Variants in RASAL2 observed in about 807,000 individuals in gnomAD.
The protein encoded by RASAL2 is RAS protein activator like 2, also known as ras GTPase-activating protein nGAP.
A neutral mutation model predicts 128.9 loss-of-function variants in RASAL2; 58 were observed. That is an observed-to-expected ratio of 0.45 (90% CI 0.36 to 0.56). RASAL2 has a LOEUF of 0.56. RASAL2 is among the 20% of genes least tolerant of loss of function. The pLI is 0.00. For missense variants in RASAL2, 1,360 were observed against 1,601.6 expected, an observed-to-expected ratio of 0.85 and a Z score of 2.57; for synonymous variants, 561 against 580.8, an observed-to-expected ratio of 0.97 and a Z score of 0.49.
intron 1 of RASAL2, among the ~76,000 whole-genome samples, chr1:178,228,570 C>T (rs534882372): frequency 1.3e-5 from 2 of 152,174 alleles, no homozygotes; most frequent in East Asian, 1.9e-4. Context: ...AGCGAGACTC[C>T]GTCCCGGGGA....
intron 5 of RASAL2, among the ~76,000 whole-genome samples, chr1:178,428,886 C>T (rs956072957): frequency 6.6e-6 from 1 of 152,118 alleles, no homozygotes; most frequent in Non-Finnish European, 1.5e-5. Context: ...CTGCTCTTCC[C>T]CTGTAGCCTA....
At chr1:178,343,802 A>T (rs2102412027) in intron 3 of RASAL2, among the ~76,000 whole-genome samples, 1 of 151,994 alleles carries the variant, frequency 6.6e-6, no homozygotes, top group East Asian at 1.9e-4. Context: ...TTAGAAAAAA[A>T]AAACAATAAA....
In RASAL2 at chr1:178,363,607, T is replaced by C. The variant is rs16852727; in HGVS notation, c.458-26493T>C. Among the ~76,000 whole-genome samples, 941 of 152,326 alleles carry C rather than the reference T, an allele frequency of 6.2e-3. 6 individuals carry two copies. The highest frequency in any genetic ancestry group is 0.022 in the African/African-American group (900 of 41,590). On this transcript the variant is annotated intron_variant, in intron 3 of 17. Coordinates refer to ENST00000367649, the MANE Select transcript of RASAL2 (RefSeq NM_170692.4). ...CGAAGCATTAAACAGCCTCATTAAA[T>C]GTTCATAGGAGCAAATAACCATGTC... is the stretch of plus-strand genomic sequence containing the variant.
chr1:178,276,780 G>C (rs1422207333), intron 1 of RASAL2, among the ~76,000 whole-genome samples: 1 of 151,982 alleles, frequency 6.6e-6, no homozygotes, highest in African/African-American at 2.4e-5. Flanking sequence ...CCATGTGTAT[G>C]CCATATTTTT....
chr1:178,117,005 A>G (rs7547357), intron 1 of RASAL2, among the ~76,000 whole-genome samples: 16,665 of 152,272 alleles, frequency 0.11, 1,170 homozygotes, highest in African/African-American at 0.19. Context: ...ATAACTACTT[A>G]AAACATTCAT....
Position 178,257,419 on chromosome 1 carries a change from G to A in RASAL2, c.203-26145G>A, listed in dbSNP as rs1255805908. Reference sequence around the variant, plus strand: ...TCAAGACAGTGTGGTGCTGGCTCAGGGATATGTGTGTGTGTGTGTGTGTGT... The same window carrying A: ...TCAAGACAGTGTGGTGCTGGCTCAGAGATATGTGTGTGTGTGTGTGTGTGT... On this transcript the variant is annotated intron_variant, in intron 1 of 17. Transcript: ENST00000367649. Among the ~76,000 whole-genome samples, 5 of 145,000 alleles carry A rather than the reference G, an allele frequency of 3.4e-5. No individual in the cohort carries two copies. The South Asian group carries it at 1.1e-3, about 31-fold the overall frequency.
intron 1 of RASAL2, among the ~76,000 whole-genome samples, chr1:178,162,010 G>T (rs1192040165): frequency 1.3e-5 from 2 of 150,368 alleles, no homozygotes; most frequent in African/African-American, 2.4e-5. Context: ...TGTCTGCCAG[G>T]CTGGAGTGCA....
Position 178,473,252 on chromosome 1 carries a change from G to C in RASAL2, c.*13G>C. On this transcript the variant is annotated 3_prime_UTR_variant, in exon 18 of 18. Transcript: ENST00000367649. ...CAGCAGCTGCTGACGGGCTTTGTCTGTGGAAGGAGACAGAAGGAAATTGAC... is the reference window on the plus strand; with the variant it reads ...CAGCAGCTGCTGACGGGCTTTGTCTCTGGAAGGAGACAGAAGGAAATTGAC... 6.2e-7 allele frequency: 1 copy of C among 1,614,050 alleles called. No homozygotes were observed. The highest frequency in any genetic ancestry group is 8.5e-7 in the Non-Finnish European group (1 of 1,179,924).
At chr1:178,395,789 A>ATATATATT (rs1553226783) in intron 4 of RASAL2, among the ~76,000 whole-genome samples, 1 of 144,320 alleles carries the variant, frequency 6.9e-6, no homozygotes, top group Non-Finnish European at 1.5e-5. Flanking sequence ...ATATATATAT[A>ATATATATT]TATTTATTTA....
chr1:178,245,231 A>G (rs1269494451), intron 1 of RASAL2, among the ~76,000 whole-genome samples: 2 of 152,232 alleles, frequency 1.3e-5, no homozygotes, highest in Non-Finnish European at 2.9e-5. Context: ...CATCCTCGCC[A>G]GCATCTGTTG....
intron 14 of RASAL2, among the ~76,000 whole-genome samples, chr1:178,462,222 A>G (rs2102929428): frequency 1.3e-5 from 2 of 152,330 alleles, no homozygotes; most frequent in East Asian, 1.9e-4. Flanking sequence ...AAGGAGATGG[A>G]ACAATCATTG....
chr1:178,341,621 A>T, intron 3 of RASAL2: 1 of 1,613,970 alleles, frequency 6.2e-7, no homozygotes, highest in Non-Finnish European at 8.5e-7. Context: ...AAGAGTTTGT[A>T]GAGTCTGAGA....
chr1:178,330,080 G>A (rs575246686), intron 3 of RASAL2, among the ~76,000 whole-genome samples: 12 of 152,154 alleles, frequency 7.9e-5, no homozygotes, highest in African/African-American at 2.9e-4. Flanking sequence ...ATTAGTAGGG[G>A]TAGGGGGAAG....
intron 2 of RASAL2, among the ~76,000 whole-genome samples, chr1:178,298,033 AG>A (rs1667597824): frequency 6.6e-6 from 1 of 152,184 alleles, no homozygotes; most frequent in South Asian, 2.1e-4. Context: ...ATTATCAAAT[AG>A]TTATGTTTAT....
At chr1:178,297,512 C>G (rs1031948361) in intron 2 of RASAL2, among the ~76,000 whole-genome samples, 1 of 146,036 alleles carries the variant, frequency 6.8e-6, no homozygotes, top group Non-Finnish European at 1.5e-5. Flanking sequence ...GAGGCTGAGA[C>G]AGGAGAATCG....
rs141890907 is a variant in RASAL2 at position 178,227,270 on chromosome 1, G to T, written c.203-56294G>T. Among the ~76,000 whole-genome samples the T allele has an allele frequency of 4.1e-3, 616 of 151,592 alleles. 7 individuals are homozygous for T. Among genetic ancestry groups the T allele is most frequent in the Non-Finnish European group, 5.0e-3 (338 of 67,950 alleles). ...ATTTAAAATGGTGCTACAGTTTAGC[G>T]TCTTGTCTTACATGTCGTTGTCTAA... On this transcript the variant is annotated intron_variant, in intron 1 of 17. Coordinates refer to ENST00000367649, the MANE Select transcript of RASAL2 (RefSeq NM_170692.4).
At chr1:178,353,359 C>T (rs1168814470) in intron 3 of RASAL2, among the ~76,000 whole-genome samples, 4 of 152,174 alleles carry the variant, frequency 2.6e-5, no homozygotes, top group South Asian at 4.1e-4. Flanking sequence ...TTCAAAATTC[C>T]GTAGATCCCT....
At chr1:178,148,596 G>T (rs1660807959) in intron 1 of RASAL2, among the ~76,000 whole-genome samples, 1 of 151,986 alleles carries the variant, frequency 6.6e-6, no homozygotes, top group African/African-American at 2.4e-5. Flanking sequence ...CTACAGGTGT[G>T]CACCAGCATG....
rs1648594367 is a variant in RASAL2, at chr1:178,475,337, CTG to C, written c.*2101_*2102del. ...ACCTTCTCTCCAAGCGGAGGGCACA[CTG>C]TGGTCAAAATCACTTATTTTATTAG... On this transcript the variant is annotated 3_prime_UTR_variant, in exon 18 of 18. Transcript: ENST00000367649. The C allele has an allele frequency of 6.6e-6, 1 of 152,202 alleles. No homozygotes were observed. Among genetic ancestry groups the C allele is most frequent in the South Asian group, 2.1e-4 (1 of 4,834 alleles). The allele number at this position is 152,202 out of a possible 1,614,324, so 9.4% of individuals were successfully genotyped here. A position where few individuals can be genotyped will look rare whatever the true frequency, so the allele number is the denominator to read the frequency against.
Sources: allele counts gnomAD v4.1 joint callset (sites outside exome capture counted in the v4.1 genomes callset), GRCh38; gene constraint gnomAD v4.1.1; transcripts MANE v1.5; gene names NCBI Gene and HGNC (gene_info 2026-07-23, HGNC 2026-07-21).